The following OXR1 variants were observed in gnomAD, a reference collection of about 807,000 sequenced individuals.
OXR1 encodes the protein oxidation resistance protein 1.
Under a neutral mutation model 104.6 loss-of-function variants are expected in OXR1, and 41 were observed. The ratio of observed to expected loss-of-function variants is 0.39; its 90% confidence interval spans 0.31 to 0.51. OXR1 has a LOEUF of 0.51. Among genes scored for constraint, OXR1 ranks in the 20% least tolerant of loss-of-function variants. The pLI is 0.77. For synonymous variants in OXR1, 348 were observed against 348.4 expected (o/e 1.00, Z 0.01); for missense variants, 955 against 1,031.9 (o/e 0.93, Z 1.02).
In OXR1 at chr8:106,710,663, A is replaced by G; in HGVS notation, c.1666A>G (p.Lys556Glu). The G allele has an allele frequency of 6.3e-7, 1 of 1,597,634 alleles. No individual in the cohort carries two copies. The highest frequency in any genetic ancestry group is 8.5e-7 in the Non-Finnish European group (1 of 1,172,068). ...LKEKQRHRLHKFLCLRVGKPM... is the reference protein window; with the variant it reads ...LKEKQRHRLHEFLCLRVGKPM... ...AGAAAAGCAAAGGCATCGATTACAT[A>G]AGTTCTTGTGTCTCAGAGTTGGAAA... is the stretch of plus-strand genomic sequence containing the variant. The change falls in exon 10 of 17, where the codon AAG becomes GAG. Residue 556 changes from lysine to glutamate, a missense_variant. Around this residue, in one of 2 missense-constraint regions of OXR1, gnomAD observed 849 missense variants for 852.9 expected, o/e 1.00. Transcript: ENST00000517566.
chr8:106,359,029 A>G (rs1816117956), intron 1 of OXR1, among the ~76,000 whole-genome samples: 1 of 149,812 alleles, frequency 6.7e-6, no homozygotes, highest in Admixed American at 6.6e-5. Flanking sequence ...TGTGATGGCA[A>G]CTTGTGTCAT....
intron 15 of OXR1, among the ~76,000 whole-genome samples, chr8:106,744,056 G>C (rs1480601217): frequency 6.6e-6 from 1 of 152,162 alleles, no homozygotes; most frequent in African/African-American, 2.4e-5. Flanking sequence ...GTGAGGGTGT[G>C]GGGAGGGAGA....
chr8:106,546,459 A>C (rs892635021), intron 3 of OXR1, among the ~76,000 whole-genome samples: 1 of 152,222 alleles, frequency 6.6e-6, no homozygotes, highest in African/African-American at 2.4e-5. Context: ...GACAGGTCTC[A>C]ATCAATTTAG....
rs1831184309 is a variant in OXR1 at position 106,706,811 on chromosome 8, T to C, written c.1290T>C (p.Phe430=). 2 of 1,612,470 alleles carry C rather than the reference T, an allele frequency of 1.2e-6. No individual in the cohort carries two copies. The highest frequency in any genetic ancestry group is 1.7e-6 in the Non-Finnish European group (2 of 1,179,590). The part of the protein sequence containing the change: ...AIKEDQIADN[F]QGISGPKEDS... ...AGGAAGATCAGATTGCAGATAACTTTCAAGGAATATCAGGTCCTAAAGAAG... is the reference window on the plus strand; with the variant it reads ...AGGAAGATCAGATTGCAGATAACTTCCAAGGAATATCAGGTCCTAAAGAAG... Residue 430 remains phenylalanine (F), a synonymous_variant, in exon 9 of 17, where the codon TTT becomes TTC. Coordinates refer to ENST00000517566, the MANE Select transcript of OXR1 (RefSeq NM_001198533.2).
chr8:106,587,884 A>C (rs1276528024), intron 3 of OXR1, among the ~76,000 whole-genome samples: 1 of 152,210 alleles, frequency 6.6e-6, no homozygotes. Flanking sequence ...ATAGATATTT[A>C]GGTAAAGAAT....
intron 1 of OXR1, among the ~76,000 whole-genome samples, chr8:106,287,321 G>T (rs1250135138): frequency 1.3e-5 from 2 of 152,160 alleles, no homozygotes; most frequent in Non-Finnish European, 2.9e-5. Context: ...ATTGATACTT[G>T]TCCTGTGGAT....
At chr8:106,705,157 A>G (rs190043845) in intron 8 of OXR1, among the ~76,000 whole-genome samples, 1 of 152,236 alleles carries the variant, frequency 6.6e-6, no homozygotes, top group African/African-American at 2.4e-5. Context: ...TCTCTTACCT[A>G]AGGGTCTTCT....
intron 2 of OXR1, among the ~76,000 whole-genome samples, chr8:106,449,036 C>T (rs1820165602): frequency 6.6e-6 from 1 of 152,082 alleles, no homozygotes; most frequent in Non-Finnish European, 1.5e-5. Flanking sequence ...ACTTAATTAG[C>T]ACCCTCTTCT....
chr8:106,710,652 A>T lies in OXR1; in HGVS notation c.1655A>T (p.His552Leu). ...SSALLKEKQR[H>L]RLHKFLCLRV... ...GCACTTTTAAAAGAAAAGCAAAGGC[A>T]TCGATTACATAAGTTCTTGTGTCTC... Residue 552 changes from histidine to leucine, a missense_variant, in exon 10 of 17, where the codon CAT (histidine) becomes CTT (leucine). His to Leu is a moderately conservative substitution (Grantham distance 99, BLOSUM62 -3). Transcript: ENST00000517566. 1 of 1,591,560 alleles carries T rather than the reference A, an allele frequency of 6.3e-7. No individual in the cohort carries two copies. Among genetic ancestry groups the T allele is most frequent in the Non-Finnish European group, 8.5e-7 (1 of 1,169,920 alleles).
At chr8:106,729,607 AGTATTTAT>A (rs1833686794) in intron 11 of OXR1, among the ~76,000 whole-genome samples, 1 of 152,140 alleles carries the variant, frequency 6.6e-6, no homozygotes, top group African/African-American at 2.4e-5. Context: ...TTTATTAACC[AGTATTTAT>A]GTATGTCTTA....
At chr8:106,394,494 T>C (rs1242726090) in intron 2 of OXR1, among the ~76,000 whole-genome samples, 1 of 152,110 alleles carries the variant, frequency 6.6e-6, no homozygotes, top group Non-Finnish European at 1.5e-5. Flanking sequence ...CTGAATATCA[T>C]TTATATTCAT....
intron 1 of OXR1, among the ~76,000 whole-genome samples, chr8:106,353,860 GA>G (rs1490918279): frequency 3.4e-5 from 5 of 148,926 alleles, no homozygotes; most frequent in South Asian, 4.4e-4. Flanking sequence ...TAGTCTAACT[GA>G]ATTTTTTGTG....
chr8:106,324,709 G>A (rs2130194240), intron 1 of OXR1, among the ~76,000 whole-genome samples: 1 of 152,178 alleles, frequency 6.6e-6, no homozygotes, highest in East Asian at 1.9e-4. Context: ...TCTGTTGAGT[G>A]CTTACCCTGT....
chr8:106,425,307 T>C (rs1819069399), intron 2 of OXR1, among the ~76,000 whole-genome samples: 1 of 151,998 alleles, frequency 6.6e-6, no homozygotes, highest in Non-Finnish European at 1.5e-5. Flanking sequence ...CAAGCTGTTC[T>C]CCCTCCTTAG....
intron 2 of OXR1, among the ~76,000 whole-genome samples, chr8:106,401,880 A>C (rs1389844356): frequency 1.3e-5 from 2 of 152,182 alleles, no homozygotes; most frequent in African/African-American, 4.8e-5. Context: ...ATATCTTATG[A>C]AGGGGAAAAA....
chr8:106,680,155 G>T (rs1436759524), intron 4 of OXR1, among the ~76,000 whole-genome samples: 1 of 151,988 alleles, frequency 6.6e-6, no homozygotes. Context: ...ATAGCGGACA[G>T]TGTGAGATTT....
chr8:106,707,006 A>T lies in OXR1; in HGVS notation c.1485A>T (p.Ser495=), dbSNP rs1348345151. Residue 495 remains serine, a synonymous_variant, in exon 9 of 17, where the codon TCA becomes TCT. Coordinates refer to ENST00000517566, the MANE Select transcript of OXR1 (RefSeq NM_001198533.2). Reference sequence around the variant, plus strand: ...AAGGAAAGGAGCAAAATCAGGACTCACAGACAGAGGCAGAAGAGCTACGCA... The same window carrying T: ...AAGGAAAGGAGCAAAATCAGGACTCTCAGACAGAGGCAGAAGAGCTACGCA... ...GKQGKEQNQD[S]QTEAEELRKL... is the part of the protein sequence containing the mutation. 6.2e-7 allele frequency: 1 copy of T among 1,613,916 alleles called. No individual in the cohort carries two copies. The highest frequency in any genetic ancestry group is 8.5e-7 in the Non-Finnish European group (1 of 1,179,942).
intron 3 of OXR1, among the ~76,000 whole-genome samples, chr8:106,647,223 G>T (rs1265150614): frequency 2.6e-5 from 4 of 152,152 alleles, no homozygotes; most frequent in African/African-American, 9.7e-5. Flanking sequence ...AAATTACTTG[G>T]TTTTTAGTAG....
chr8:106,549,389 T>C lies in OXR1; in HGVS notation c.220+30250T>C, dbSNP rs1053092933. On this transcript the variant is annotated intron_variant, in intron 3 of 16. Coordinates refer to ENST00000517566, the MANE Select transcript of OXR1 (RefSeq NM_001198533.2). ...ATAGGAAATAGTCAGTAAACACTTGTTGAATTTGTGAATAAATATTGAATA... is the reference window on the plus strand; with the variant it reads ...ATAGGAAATAGTCAGTAAACACTTGCTGAATTTGTGAATAAATATTGAATA... 6.6e-5 allele frequency among the ~76,000 whole-genome samples: 10 copies of C among 152,316 alleles called. 1 individual carries two copies. Among genetic ancestry groups the C allele is most frequent in the Admixed American group, 4.6e-4 (7 of 15,298 alleles).
Sources: gnomAD v4.1 joint callset for allele counts (sites outside exome capture counted in the v4.1 genomes callset) on GRCh38, gnomAD v4.1.1 for gene constraint, gnomAD v4.1.1 regional missense constraint, MANE v1.5 for transcripts, NCBI Gene and HGNC (gene_info 2026-07-23, HGNC 2026-07-21) for gene names.